BAIAP3: variants seen among roughly 807,000 people sequenced by gnomAD.
BAIAP3 encodes the protein BAI1-associated protein 3.
Under a neutral mutation model 149.7 loss-of-function variants are expected in BAIAP3, and 180 were observed. That is an observed-to-expected ratio of 1.20 (90% confidence interval 1.07 to 1.36). The LOEUF (loss-of-function observed/expected upper bound fraction) is 1.36, where lower values mean the gene tolerates loss of function less well. Among genes scored for constraint, BAIAP3 ranks in the 40% most tolerant of loss-of-function variants. The pLI is 0.00. For missense variants in BAIAP3, 1,767 were observed against 1,563.4 expected (o/e 1.13, Z -2.20); for synonymous variants, 845 against 670.7 (o/e 1.26, Z -4.02).
intron 5 of BAIAP3, among the ~76,000 whole-genome samples, chr16:1,340,429 A>AGACACG: frequency 1.0e-5 from 1 of 95,728 alleles, no homozygotes; most frequent in African/African-American, 3.2e-5. Flanking sequence ...CTGCAGGTGT[A>AGACACG]CACAGACATG....
At chr16:1,341,027 C>G in intron 6 of BAIAP3, 46 bp downstream of exon 6, 2 of 1,609,578 alleles carry the variant, frequency 1.2e-6, no homozygotes, top group Non-Finnish European at 1.7e-6. Context: ...CACGTGCCTG[C>G]GTGGCGGGGG....
Position 1,349,383 on chromosome 16 carries a change from A to G in BAIAP3, c.*901A>G, listed in dbSNP as rs2034598893. On this transcript the variant is annotated 3_prime_UTR_variant, in exon 34 of 34. Transcript: ENST00000426824. ...GCTGCCAGGCCCATTTATGTCCCTCATGTCTCTAGATTTTCTCGTCACCCA... is the reference window on the plus strand; with the variant it reads ...GCTGCCAGGCCCATTTATGTCCCTCGTGTCTCTAGATTTTCTCGTCACCCA... 2 of 1,604,888 alleles carry G rather than the reference A, an allele frequency of 1.2e-6. No individual in the cohort carries two copies. The highest frequency in any genetic ancestry group is 2.2e-5 in the East Asian group (1 of 44,844).
chr16:1,343,094 G>A (rs2034040430), intron 14 of BAIAP3, 78 bp downstream of exon 14: 1 of 1,336,208 alleles, frequency 7.5e-7, no homozygotes, highest in South Asian at 1.3e-5. Flanking sequence ...CATGCGGTGA[G>A]TGGATGTCGT....
chr16:1,339,055 C>T (rs988579537), intron 3 of BAIAP3, 66 bp downstream of exon 3: 29 of 1,605,242 alleles, frequency 1.8e-5, no homozygotes, highest in Non-Finnish European at 2.1e-5. Flanking sequence ...TGCTCCTCCC[C>T]GCTCCCTCCT....
chr16:1,344,981 G>A lies in BAIAP3; in HGVS notation c.1822G>A (p.Ala608Thr). ...CTGTCCCGGACAGGTGGCTGAGGAGGCGTGGGTGCTGACGGAGGAGCTGAG... is the reference window on the plus strand; with the variant it reads ...CTGTCCCGGACAGGTGGCTGAGGAGACGTGGGTGCTGACGGAGGAGCTGAG... ...RQLERLVAEE[A>T]WVLTEELSPK... The change falls in exon 21 of 34, where the codon GCG becomes ACG. Residue 608 changes from alanine to threonine, a missense_variant. Transcript: ENST00000426824. The A allele has an allele frequency of 6.2e-7, 1 of 1,613,074 alleles. No individual in the cohort carries two copies. The highest frequency in any genetic ancestry group is 2.2e-5 in the East Asian group (1 of 44,882).
intron 1 of BAIAP3, chr16:1,334,857 A>C: frequency 8.4e-7 from 1 of 1,184,126 alleles, no homozygotes; most frequent in Non-Finnish European, 1.2e-6. Context: ...GAGAAGACCA[A>C]GAGGGCAGCG....
rs559750933 is a variant in BAIAP3, at chr16:1,336,941, G to A, written c.-10-1599G>A. On this transcript the variant is annotated intron_variant, in intron 1 of 33. Coordinates refer to ENST00000426824, the MANE Select transcript of BAIAP3 (RefSeq NM_001199097.2). ...CAGGACCCCGGGGGGCTGGGGGAGCGCGGTGTCCTAGAAATCAGAGGCCGG... is the reference window on the plus strand; with the variant it reads ...CAGGACCCCGGGGGGCTGGGGGAGCACGGTGTCCTAGAAATCAGAGGCCGG... Among the ~76,000 whole-genome samples, 21 of 152,268 alleles carry A rather than the reference G, an allele frequency of 1.4e-4. No homozygotes were observed. In the South Asian group the frequency reaches 2.1e-3, roughly 15 times the overall value.
In BAIAP3 at chr16:1,348,202, G is replaced by A. The variant is rs746864537; in HGVS notation, c.3256G>A (p.Gly1086Ser). The change falls in exon 33 of 34, where the codon GGC becomes AGC. Residue 1086 changes from glycine (G) to serine (S), a missense_variant. Coordinates refer to ENST00000426824, the MANE Select transcript of BAIAP3 (RefSeq NM_001199097.2). ...TNDFAGEAAL[G>S]LGGVTGVARP... is the part of the protein sequence containing the mutation. ...CGACTTCGCTGGGGAGGCGGCCCTCGGCCTAGGTGGCGTCACTGGTGTCGC... is the reference window on the plus strand; with the variant it reads ...CGACTTCGCTGGGGAGGCGGCCCTCAGCCTAGGTGGCGTCACTGGTGTCGC... 6.8e-6 allele frequency: 11 copies of A among 1,608,790 alleles called. No homozygotes were observed. The highest frequency in any genetic ancestry group is 3.3e-5 in the South Asian group (3 of 90,978).
chr16:1,341,143 C>T lies in BAIAP3; in HGVS notation c.483C>T (p.Ala161=). ...RVRKAKAPTY[A]LKVSVMRAKN... is the part of the protein sequence containing the mutation. ...TCTGTCCACAGGCCCCCACGTATGC[C>T]CTGAAAGTCTCTGTCATGCGTGCCA... is the stretch of plus-strand genomic sequence containing the variant. Residue 161 remains alanine (A), a synonymous_variant, in exon 7 of 34, where the codon GCC becomes GCT. Transcript: ENST00000426824. 2 of 1,612,668 alleles carry T rather than the reference C, an allele frequency of 1.2e-6. No homozygotes were observed. Among genetic ancestry groups the T allele is most frequent in the Non-Finnish European group, 1.7e-6 (2 of 1,179,792 alleles).
chr16:1,347,318 C>G lies in BAIAP3; in HGVS notation c.2772C>G (p.His924Gln), dbSNP rs375258580. The G allele has an allele frequency of 1.2e-6, 2 of 1,613,402 alleles. No individual in the cohort carries two copies. Among genetic ancestry groups the G allele is most frequent in the South Asian group, 2.2e-5 (2 of 91,060 alleles). Reference sequence around the variant, plus strand: ...CCCAGGCCCTGGTCAGTTTTTTCCACGCAGAGGGTCAGGGTTTGCCCCTGG... The same window carrying G: ...CCCAGGCCCTGGTCAGTTTTTTCCAGGCAGAGGGTCAGGGTTTGCCCCTGG... The part of the protein sequence containing the change: ...FTLEALVSFF[H>Q]AEGQGLPLES... Residue 924 changes from histidine (H) to glutamine (Q), a missense_variant, in exon 29 of 34, where the codon CAC becomes CAG. His to Gln is a conservative substitution (Grantham distance 24). Coordinates refer to ENST00000426824, the MANE Select transcript of BAIAP3 (RefSeq NM_001199097.2).
Position 1,345,319 on chromosome 16 carries a change from G to A in BAIAP3, c.2011G>A (p.Val671Met). 2 of 1,613,132 alleles carry A rather than the reference G, an allele frequency of 1.2e-6. No individual in the cohort carries two copies. Reference protein sequence around the residue: ...FLPAVKLWFQVLRDQAKWRLQ... With the variant: ...FLPAVKLWFQMLRDQAKWRLQ... ...GCCTGCTGTGAAGCTCTGGTTCCAA[G>A]TGCTGAGGGACCAGGCCAAGTGGAG... The change falls in exon 22 of 34, where the codon GTG (valine) becomes ATG (methionine). Residue 671 changes from valine (V) to methionine (M), a missense_variant. By Grantham distance (21) the Val-to-Met change is conservative. Coordinates refer to ENST00000426824, the MANE Select transcript of BAIAP3 (RefSeq NM_001199097.2).
In BAIAP3 at chr16:1,345,392, G is replaced by A. The variant is rs971722482; in HGVS notation, c.2064+20G>A. The A allele has an allele frequency of 6.2e-7, 1 of 1,601,678 alleles. No individual in the cohort carries two copies. Among genetic ancestry groups the A allele is most frequent in the South Asian group, 1.1e-5 (1 of 90,432 alleles). On this transcript the variant is annotated intron_variant, in intron 22 of 33. Transcript: ENST00000426824. ...GACACGGTGACAGCTGCCCTGGCCT[G>A]AGGACACTGGGGCTGGTCCAGGCCC...
chr16:1,342,999 C>T lies in BAIAP3; in HGVS notation c.1248C>T (p.Pro416=), dbSNP rs1352136464. 1 of 1,610,236 alleles carries T rather than the reference C, an allele frequency of 6.2e-7. No homozygotes were observed. Among genetic ancestry groups the T allele is most frequent in the Non-Finnish European group, 8.5e-7 (1 of 1,179,926 alleles). The change falls in exon 14 of 34, where the codon CCC becomes CCT. Residue 416 remains proline, a synonymous_variant. Transcript: ENST00000426824. ...CLHGAQSNLS[P]LQLAVLHWQV... is the part of the protein sequence containing the mutation. ...ACGGAGCCCAGAGCAACCTGTCACC[C>T]TTGCAGCTGGCCGTGCTGTGAGTGG...
In BAIAP3 at chr16:1,339,622, C is replaced by G. The variant is rs368421949; in HGVS notation, c.408+19C>G. 4 of 1,587,678 alleles carry G rather than the reference C, an allele frequency of 2.5e-6. No homozygotes were observed. In the African/African-American group the frequency reaches 4.0e-5, roughly 16 times the overall value. On this transcript the variant is annotated intron_variant, in intron 5 of 33. Coordinates refer to ENST00000426824, the MANE Select transcript of BAIAP3 (RefSeq NM_001199097.2). ...CCAGCAGGTCAGCCCACCCTGACCC[C>G]GACCCAGACCCTGACAGCTTCCCCA...
intron 13 of BAIAP3, 38 bp downstream of exon 13, chr16:1,342,852 G>A (rs1380884381): frequency 3.1e-6 from 5 of 1,612,316 alleles, no homozygotes; most frequent in African/African-American, 1.3e-5. Context: ...GCCCGGCAGG[G>A]GGCCTGAGGA....
chr16:1,334,535 C>G, intron 1 of BAIAP3: 1 of 812,180 alleles, frequency 1.2e-6, no homozygotes, highest in Admixed American at 2.7e-5. Flanking sequence ...GAAGGCGCCT[C>G]GGGCTCCGGT....
chr16:1,345,882 C>A lies in BAIAP3; in HGVS notation c.2200C>A (p.Leu734Ile), dbSNP rs751508751. The change falls in exon 23 of 34, where the codon CTT becomes ATT. Residue 734 changes from leucine (L) to isoleucine (I), a missense_variant. By Grantham distance (5) the Leu-to-Ile change is conservative (BLOSUM62 2). Coordinates refer to ENST00000426824, the MANE Select transcript of BAIAP3 (RefSeq NM_001199097.2). The part of the protein sequence containing the change: ...PAQAQGLGTQ[L>I]GQDVCEATLF... ...CCAGGCTCAGGGGCTGGGCACCCAGCTTGGCCAGGTGTGTGGGTGGGCCCT... is the reference window on the plus strand; with the variant it reads ...CCAGGCTCAGGGGCTGGGCACCCAGATTGGCCAGGTGTGTGGGTGGGCCCT... The A allele has an allele frequency of 6.3e-7, 1 of 1,577,226 alleles. No homozygotes were observed. The highest frequency in any genetic ancestry group is 1.2e-5 in the South Asian group (1 of 86,450).
In BAIAP3 at chr16:1,343,415, C is replaced by T; in HGVS notation, c.1288C>T (p.His430Tyr). The T allele has an allele frequency of 6.4e-7, 1 of 1,571,758 alleles. No individual in the cohort carries two copies. Among genetic ancestry groups the T allele is most frequent in the Non-Finnish European group, 8.6e-7 (1 of 1,160,826 alleles). ...AVLHWQVSSR[H>Y]HQTCTLDYSY... ...CAGGCACTGGCAGGTCAGCAGCCGC[C>T]ACCATCAAACCTGCACGCTGGACTA... Residue 430 changes from histidine to tyrosine, a missense_variant, in exon 15 of 34, where the codon CAC becomes TAC. His to Tyr is a moderately conservative substitution (Grantham distance 83, BLOSUM62 2). Transcript: ENST00000426824.
intron 14 of BAIAP3, 88 bp from the exon 15 acceptor site, chr16:1,343,305 C>T: frequency 2.7e-6 from 4 of 1,504,848 alleles, no homozygotes; most frequent in South Asian, 1.3e-5. Flanking sequence ...TTGGGTGGGG[C>T]AGAGAAAGGG....
Sources: gnomAD v4.1 joint callset for allele counts (sites outside exome capture counted in the v4.1 genomes callset) on GRCh38, gnomAD v4.1.1 for gene constraint, MANE v1.5 for transcripts, NCBI Gene and HGNC (gene_info 2026-07-23, HGNC 2026-07-21) for gene names.